Variants in CDC42BPA observed in about 807,000 individuals in gnomAD.
CDC42BPA encodes the protein CDC42 binding protein kinase alpha.
CDC42BPA carries 80 observed loss-of-function variants against 223.5 expected under a neutral mutation model. The ratio of observed to expected loss-of-function variants is 0.36; its 90% CI spans 0.30 to 0.43. The LOEUF (loss-of-function observed/expected upper bound fraction) is 0.43. Ranked by LOEUF, CDC42BPA falls within the 20% of genes least tolerant of loss-of-function variation. The probability of loss-of-function intolerance (pLI) is 1.00; values close to 1 mark genes in which losing one functional copy is unlikely to be tolerated. For synonymous variants in CDC42BPA, 694 were observed against 718.6 expected (o/e 0.97, Z 0.55); for missense variants, 1,743 against 2,099.9 (o/e 0.83, Z 3.32).
chr1:227,317,897 C>T lies in CDC42BPA; in HGVS notation c.-715G>A, dbSNP rs1694654077. On this transcript the variant is annotated 5_prime_UTR_variant, in exon 1 of 37. Transcript: ENST00000366766. ...GCTTTGCAGTCAGTCCTATTTTCAA[C>T]GGATTCCGGTGAAAACTCTTCATTT... is the stretch of plus-strand genomic sequence containing the variant. 2 of 398,496 alleles carry T rather than the reference C, an allele frequency of 5.0e-6. No individual in the cohort carries two copies. Among genetic ancestry groups the T allele is most frequent in the African/African-American group, 2.1e-5 (1 of 48,644 alleles). 24.7% of individuals were successfully genotyped at this position (398,496 alleles called of 1,614,324 possible).
At chr1:227,256,936 T>C (rs1342564532) in intron 1 of CDC42BPA, among the ~76,000 whole-genome samples, 1 of 93,174 alleles carries the variant, frequency 1.1e-5, no homozygotes, top group East Asian at 2.6e-4. Flanking sequence ...CAAAATGTGA[T>C]ATATATATAC....
At chr1:227,098,615 C>T (rs1217454641) in intron 15 of CDC42BPA, among the ~76,000 whole-genome samples, 1 of 152,042 alleles carries the variant, frequency 6.6e-6, no homozygotes, top group East Asian at 1.9e-4. Flanking sequence ...TTGAGTCTTC[C>T]TTTTTCTCCC....
rs533182939 is a variant in CDC42BPA, at chr1:227,024,232, TAC to T, written c.4531-887_4531-886del. Among the ~76,000 whole-genome samples, 275 of 152,326 alleles carry T rather than the reference TAC, an allele frequency of 1.8e-3. 3 individuals carry two copies. Among genetic ancestry groups the T allele is most frequent in the Middle Eastern group, 0.01 (3 of 294 alleles). On this transcript the variant is annotated intron_variant, in intron 31 of 36. Transcript: ENST00000366766. ...AATAAACACACAAAAGACTTTCAAC[TAC>T]ACAGTTAATTAGCAACATGCAAACT...
intron 2 of CDC42BPA, among the ~76,000 whole-genome samples, chr1:227,223,861 T>C (rs1184913640): frequency 6.6e-6 from 1 of 152,182 alleles, no homozygotes; most frequent in Non-Finnish European, 1.5e-5. Context: ...TCTCACGCAG[T>C]CATGAGGGCA....
In CDC42BPA at chr1:227,111,652, T is replaced by C. The variant is rs111319622; in HGVS notation, c.2001+660A>G. ...GGCGTGCGCACCATGCCTGGCTAAT[T>C]TTGTATTTTTAGTAGAGATGGGGTT... is the stretch of plus-strand genomic sequence containing the variant. On this transcript the variant is annotated intron_variant, in intron 14 of 36. Transcript: ENST00000366766. 8.7e-3 allele frequency among the ~76,000 whole-genome samples: 1,330 copies of C among 152,022 alleles called. 19 individuals carry two copies. The highest frequency in any genetic ancestry group is 0.031 in the African/African-American group (1,267 of 41,466).
Position 227,193,857 on chromosome 1 carries a change from A to G in CDC42BPA, c.528T>C (p.Asp176=). The change falls in exon 5 of 37, where the codon GAT becomes GAC. Residue 176 remains aspartate (D), a synonymous_variant. Transcript: ENST00000366766. ...LSKFEDRLPE[D]MARFYLAEMV... ...TCTCAGCCAAGTAAAATCTAGCCAT[A>G]TCTTCAGGCAATCTATCTTCAAATT... 6.2e-7 allele frequency: 1 copy of G among 1,613,562 alleles called. No individual in the cohort carries two copies. The highest frequency in any genetic ancestry group is 8.5e-7 in the Non-Finnish European group (1 of 1,179,684).
rs1669244413 is a variant in CDC42BPA, at chr1:227,031,338, A to G, written c.3735T>C (p.Thr1245=). The G allele has an allele frequency of 1.2e-6, 2 of 1,613,954 alleles. No individual in the cohort carries two copies. Among genetic ancestry groups the G allele is most frequent in the Non-Finnish European group, 1.7e-6 (2 of 1,179,978 alleles). ...CCTGGGTTGTTTTAATGAGGGGTAG[A>G]GTGCTGTCATAAGCCTCTTTGGGAA... The part of the protein sequence containing the change: ...VYVPKEAYDS[T]LPLIKTTQAA... Residue 1245 remains threonine, a synonymous_variant, in exon 28 of 37, where the codon ACT becomes ACC. Transcript: ENST00000366766.
intron 2 of CDC42BPA, among the ~76,000 whole-genome samples, chr1:227,220,186 T>C (rs1443484044): frequency 6.6e-6 from 1 of 151,602 alleles, no homozygotes; most frequent in African/African-American, 2.4e-5. Flanking sequence ...AATTTGGCTG[T>C]CCTTAAGTAA....
At chr1:227,130,676 GA>G (rs1656900571) in intron 10 of CDC42BPA, among the ~76,000 whole-genome samples, 1 of 152,088 alleles carries the variant, frequency 6.6e-6, no homozygotes, top group Non-Finnish European at 1.5e-5. Context: ...CCAACATGGT[GA>G]AACCCCGTCT....
chr1:227,300,177 G>C (rs1691371820), intron 1 of CDC42BPA, among the ~76,000 whole-genome samples: 1 of 152,194 alleles, frequency 6.6e-6, no homozygotes, highest in African/African-American at 2.4e-5. Context: ...AGATGTTGCT[G>C]TGGATGTGGT....
chr1:227,067,521 T>C (rs985911916), intron 21 of CDC42BPA, among the ~76,000 whole-genome samples: 4 of 152,206 alleles, frequency 2.6e-5, no homozygotes, highest in African/African-American at 9.6e-5. Context: ...TCATATTGAA[T>C]ATTTTAACAT....
chr1:227,287,731 T>G (rs890286336), intron 1 of CDC42BPA, among the ~76,000 whole-genome samples: 4 of 152,216 alleles, frequency 2.6e-5, no homozygotes, highest in Admixed American at 2.6e-4. Context: ...TTATACATAT[T>G]CATGGAGTAC....
chr1:227,219,206 C>T (rs1675400674), intron 2 of CDC42BPA: 1 of 152,162 alleles, frequency 6.6e-6, no homozygotes, highest in Non-Finnish European at 1.5e-5. Context: ...TATGCAGACA[C>T]GTAAGGGCCT....
intron 14 of CDC42BPA, among the ~76,000 whole-genome samples, chr1:227,104,413 T>G (rs1320192212): frequency 6.6e-6 from 1 of 152,142 alleles, no homozygotes; most frequent in Non-Finnish European, 1.5e-5. Flanking sequence ...ATCACTAAAA[T>G]TATGTTTGTG....
At chr1:227,059,227 G>C (rs577621146) in intron 21 of CDC42BPA, 5 of 673,924 alleles carry the variant, frequency 7.4e-6, no homozygotes, top group South Asian at 6.1e-5. Flanking sequence ...AAGCAGCACA[G>C]CAACAGCAGG....
chr1:227,166,010 GATC>G (rs1355008759), intron 5 of CDC42BPA, among the ~76,000 whole-genome samples: 1 of 152,142 alleles, frequency 6.6e-6, no homozygotes, highest in African/African-American at 2.4e-5. Context: ...AAGCCACTAA[GATC>G]ATCTGCAGTC....
At chr1:227,253,033 G>A (rs2718207) in intron 2 of CDC42BPA, among the ~76,000 whole-genome samples, 46,386 of 151,986 alleles carry the variant, frequency 0.31, 7,245 homozygotes, top group East Asian at 0.4. Context: ...ACTACAAAAC[G>A]GTATTGAGAT....
At chr1:227,289,850 C>T (rs1367760480) in intron 1 of CDC42BPA, among the ~76,000 whole-genome samples, 1 of 139,906 alleles carries the variant, frequency 7.1e-6, no homozygotes, top group Non-Finnish European at 1.5e-5. Context: ...CTAGGAGTTC[C>T]AGACCAGCCT....
intron 2 of CDC42BPA, among the ~76,000 whole-genome samples, 181 bp from the exon 3 acceptor site, chr1:227,213,400 C>G (rs1015946847): frequency 6.6e-6 from 1 of 152,038 alleles, no homozygotes; most frequent in Non-Finnish European, 1.5e-5. Context: ...GAACATGTGC[C>G]AAACTAATAA....
Sources: allele counts gnomAD v4.1 joint callset (sites outside exome capture counted in the v4.1 genomes callset), GRCh38; gene constraint gnomAD v4.1.1; transcripts MANE v1.5; gene names NCBI Gene and HGNC (gene_info 2026-07-23, HGNC 2026-07-21).